SPEF2: variants seen among roughly 807,000 people sequenced by gnomAD.
The protein encoded by SPEF2 is sperm flagella and cilia-associated protein 2.
Under a neutral mutation model 224.6 loss-of-function variants are expected in SPEF2, and 187 were observed. The observed-to-expected ratio is 0.83, with a 90% CI of 0.74 to 0.94. The LOEUF is 0.94. Among genes scored for constraint, SPEF2 ranks in the 40% least tolerant of loss-of-function variants. The probability of loss-of-function intolerance (pLI) is 0.00; values close to 1 mark genes in which losing one functional copy is unlikely to be tolerated. For missense variants in SPEF2, 2,170 were observed against 2,135.6 expected (o/e 1.02, Z -0.32); for synonymous variants, 715 against 707.3 (o/e 1.01, Z -0.17).
chr5:35,701,473 TAAGC>T (rs1272530114), intron 16 of SPEF2, among the ~76,000 whole-genome samples: 2 of 152,114 alleles, frequency 1.3e-5, no homozygotes, highest in Non-Finnish European at 2.9e-5. Context: ...CACATGATAA[TAAGC>T]GTGTGGTAAA....
In SPEF2 at chr5:35,732,088, C is replaced by A. The variant is rs145912822; in HGVS notation, c.3063+4265C>A. 4.2e-3 allele frequency among the ~76,000 whole-genome samples: 639 copies of A among 152,240 alleles called. 7 individuals are homozygous for A. The highest frequency in any genetic ancestry group is 0.014 in the African/African-American group (600 of 41,530). On this transcript the variant is annotated intron_variant, in intron 21 of 36. Transcript: ENST00000356031. ...ACTTTTGAGCACTTATAAAGATGAT[C>A]ATTTGGAGCCTGCACAGCAAGAATA... is the stretch of plus-strand genomic sequence containing the variant.
intron 23 of SPEF2, among the ~76,000 whole-genome samples, chr5:35,750,404 G>T (rs1226626090): frequency 6.6e-6 from 1 of 152,132 alleles, no homozygotes; most frequent in Non-Finnish European, 1.5e-5. Context: ...AGTCAGCAGA[G>T]TAAAAAGACA....
chr5:35,721,651 C>G (rs978622539), intron 20 of SPEF2, among the ~76,000 whole-genome samples: 2 of 152,126 alleles, frequency 1.3e-5, no homozygotes, highest in African/African-American at 4.8e-5. Context: ...TTTTAACTTG[C>G]CTTAAAAAAA....
intron 20 of SPEF2, among the ~76,000 whole-genome samples, chr5:35,719,470 G>T (rs143660490): frequency 6.4e-4 from 98 of 152,260 alleles, no homozygotes; most frequent in Non-Finnish European, 1.1e-3. Context: ...GGTTTTGATG[G>T]AAGTCTGTTC....
At chr5:35,780,370 T>C (rs1358598946) in intron 30 of SPEF2, among the ~76,000 whole-genome samples, 1 of 152,182 alleles carries the variant, frequency 6.6e-6, no homozygotes, top group Non-Finnish European at 1.5e-5. Context: ...AATTGGTGTA[T>C]GTGTGTGTGC....
Position 35,776,301 on chromosome 5 carries a change from T to C in SPEF2, c.4123T>C (p.Leu1375=). 6.2e-7 allele frequency: 1 copy of C among 1,612,420 alleles called. No homozygotes were observed. The highest frequency in any genetic ancestry group is 8.5e-7 in the Non-Finnish European group (1 of 1,179,310). ...FRLELIKTKA[L]ALLEDLVTKV... is the part of the protein sequence containing the mutation. ...ACTTGAACTGATAAAGACAAAAGCA[T>C]TGGCTCTTCTTGAAGATTTAGTAAC... Residue 1375 remains leucine, a synonymous_variant, in exon 29 of 37, where the codon TTG becomes CTG. Transcript: ENST00000356031.
intron 20 of SPEF2, among the ~76,000 whole-genome samples, chr5:35,717,117 T>G (rs7721034): frequency 0.75 from 114,074 of 151,878 alleles, 43,192 homozygotes; most frequent in Middle Eastern, 0.83. Flanking sequence ...GGAGCCAAAT[T>G]TAGAAAGTTT....
intron 8 of SPEF2, among the ~76,000 whole-genome samples, chr5:35,664,826 G>T (rs1750243882): frequency 4.9e-5 from 1 of 20,564 alleles, no homozygotes; most frequent in African/African-American, 2.2e-4. Flanking sequence ...GAGGGAGAGA[G>T]GAAGGAAGGA....
chr5:35,679,241 G>A (rs946030843), intron 10 of SPEF2, among the ~76,000 whole-genome samples: 19 of 152,174 alleles, frequency 1.2e-4, no homozygotes, highest in African/African-American at 4.6e-4. Flanking sequence ...CGGAAGGTCA[G>A]CCAGGAGATA....
intron 21 of SPEF2, among the ~76,000 whole-genome samples, chr5:35,735,403 C>G (rs1000407019): frequency 6.6e-6 from 1 of 152,292 alleles, no homozygotes. Flanking sequence ...CTGTCCTTCT[C>G]CAAAGAGAAT....
chr5:35,720,425 T>C (rs573356281), intron 20 of SPEF2, among the ~76,000 whole-genome samples: 5 of 152,328 alleles, frequency 3.3e-5, no homozygotes, highest in Admixed American at 6.5e-5. Flanking sequence ...TCCTGTATGT[T>C]TTTTTATTCC....
In SPEF2 at chr5:35,776,377, A is replaced by G. The variant is rs151020107; in HGVS notation, c.4199A>G (p.Tyr1400Cys). ...ATGGAAAAATGGCTTGGTGAGAGGT[A>G]TTTGAATGAAATGGCCAGGTAAAGT... Reference protein sequence around the residue: ...KLMEKWLGERYLNEMASTEKL... With the variant: ...KLMEKWLGERCLNEMASTEKL... Residue 1400 changes from tyrosine to cysteine, a missense_variant, in exon 29 of 37, where the codon TAT becomes TGT. Physicochemically the swap from Tyr to Cys is radical, Grantham distance 194 (BLOSUM62 -2). Transcript: ENST00000356031. 1.3e-4 allele frequency: 216 copies of G among 1,608,406 alleles called. 1 individual carries two copies. The African/African-American group carries it at 2.3e-3, about 17-fold the overall frequency.
chr5:35,628,194 A>AAAAATTTTATCTGTTGTCTTTTCCTTC (rs1744541134), intron 1 of SPEF2, among the ~76,000 whole-genome samples: 1 of 152,208 alleles, frequency 6.6e-6, no homozygotes, highest in Admixed American at 6.5e-5. Flanking sequence ...CATTTTAAAA[A>AAAAATTTTATCTGTTGTCTTTTCCTTC]AAAATTTTAT....
At chr5:35,637,029 C>G (rs1378881384) in intron 2 of SPEF2, among the ~76,000 whole-genome samples, 2 of 150,680 alleles carry the variant, frequency 1.3e-5, no homozygotes, top group Non-Finnish European at 3.0e-5. Context: ...ACTCTGAAGA[C>G]AGGACTTTGG....
intron 1 of SPEF2, among the ~76,000 whole-genome samples, chr5:35,625,493 A>G (rs1006061666): frequency 4.6e-4 from 70 of 152,130 alleles, no homozygotes; most frequent in Admixed American, 2.5e-3. Context: ...CACAGTGCAA[A>G]CCCCAGAGGG....
At chr5:35,808,872 TG>T (rs981220453) in intron 36 of SPEF2, among the ~76,000 whole-genome samples, 9 of 142,906 alleles carry the variant, frequency 6.3e-5, no homozygotes, top group Non-Finnish European at 1.2e-4. Context: ...GTAAAAAAAT[TG>T]GGTTTTACAT....
At chr5:35,648,520 G>A (rs1243571961) in intron 5 of SPEF2, among the ~76,000 whole-genome samples, 1 of 151,964 alleles carries the variant, frequency 6.6e-6, no homozygotes, top group Non-Finnish European at 1.5e-5. Flanking sequence ...GAGTAACTGG[G>A]ACTACAGGTC....
intron 6 of SPEF2, among the ~76,000 whole-genome samples, chr5:35,649,809 A>G (rs1249625544): frequency 1.3e-5 from 2 of 152,238 alleles, no homozygotes; most frequent in Non-Finnish European, 2.9e-5. Flanking sequence ...AGCAGTTAGC[A>G]TAGAGACCAG....
chr5:35,793,019 C>T lies in SPEF2; in HGVS notation c.4555-140C>T, dbSNP rs1756168871. 8.1e-6 allele frequency: 6 copies of T among 743,616 alleles called. No homozygotes were observed. The South Asian group carries it at 1.2e-4, about 15-fold the overall frequency. The allele number at this position is 743,616 out of a possible 1,614,324, so 46.1% of individuals were successfully genotyped here. On this transcript the variant is annotated intron_variant, in intron 31 of 36. Coordinates refer to ENST00000356031, the MANE Select transcript of SPEF2 (RefSeq NM_024867.4). ...TGGATGGTTGGTAGAATAAAGGAAA[C>T]AAAAGTCAGAACTGATTCTATGTGC...
Sources: allele counts gnomAD v4.1 joint callset (sites outside exome capture counted in the v4.1 genomes callset), GRCh38; gene constraint gnomAD v4.1.1; transcripts MANE v1.5; gene names NCBI Gene and HGNC (gene_info 2026-07-23, HGNC 2026-07-21).